CDC42BPB: variants seen among roughly 807,000 people sequenced by gnomAD.
CDC42BPB encodes the protein serine/threonine-protein kinase MRCK beta.
CDC42BPB carries 37 observed loss-of-function variants against 214.9 expected under a neutral mutation model. The ratio of observed to expected loss-of-function variants is 0.17; its 90% CI spans 0.13 to 0.23. The LOEUF is 0.23. Ranked by LOEUF, CDC42BPB falls within the 10% of genes least tolerant of loss-of-function variation. The probability of loss-of-function intolerance (pLI) is 1.00; values close to 1 mark genes in which losing one functional copy is unlikely to be tolerated. For missense variants in CDC42BPB, 1,694 were observed against 2,227.0 expected (o/e 0.76, Z 4.82); for synonymous variants, 931 against 884.0 (o/e 1.05, Z -0.94).
chr14:102,955,347 C>T (rs1892665540), intron 21 of CDC42BPB, among the ~76,000 whole-genome samples: 1 of 152,310 alleles, frequency 6.6e-6, no homozygotes, highest in Admixed American at 6.5e-5. Context: ...CGCTTGAACC[C>T]AGGAGAAGGT....
intron 1 of CDC42BPB, among the ~76,000 whole-genome samples, chr14:103,053,634 C>T (rs912746637): frequency 4.2e-4 from 64 of 150,948 alleles, no homozygotes; most frequent in South Asian, 1.5e-3. Flanking sequence ...TGATGGCGGG[C>T]GCCTGTAGTC....
intron 12 of CDC42BPB, among the ~76,000 whole-genome samples, chr14:102,973,265 C>T (rs1169027071): frequency 6.6e-6 from 1 of 152,230 alleles, no homozygotes; most frequent in Non-Finnish European, 1.5e-5. Flanking sequence ...GTGGATGACC[C>T]ACAGATTATC....
chr14:102,958,258 G>A (rs1379092203), intron 21 of CDC42BPB, among the ~76,000 whole-genome samples: 2 of 152,182 alleles, frequency 1.3e-5, no homozygotes, highest in Non-Finnish European at 2.9e-5. Context: ...CCCAATCGTA[G>A]GAAATAACTG....
At chr14:102,972,317 GCT>G (rs1893512232) in intron 12 of CDC42BPB, 156 bp from the exon 13 acceptor site, 1 of 985,312 alleles carries the variant, frequency 1.0e-6, no homozygotes, top group Admixed American at 6.2e-5. Context: ...AAAGACCTGT[GCT>G]CTGTCTCGTG....
At chr14:103,021,055 T>C (rs1036275755) in intron 1 of CDC42BPB, among the ~76,000 whole-genome samples, 7 of 152,168 alleles carry the variant, frequency 4.6e-5, no homozygotes, top group South Asian at 2.1e-4. Flanking sequence ...CTAGCTGATA[T>C]AGGAGCACAG....
intron 23 of CDC42BPB, among the ~76,000 whole-genome samples, chr14:102,953,080 A>C (rs1004630726): frequency 6.6e-6 from 1 of 152,276 alleles, no homozygotes; most frequent in African/African-American, 2.4e-5. Flanking sequence ...GTCCCTCATC[A>C]GGAGTGGACA....
At chr14:102,964,275 C>T (rs1288624994) in intron 19 of CDC42BPB, among the ~76,000 whole-genome samples, 1 of 152,254 alleles carries the variant, frequency 6.6e-6, no homozygotes, top group African/African-American at 2.4e-5. Context: ...GCACCACACC[C>T]CCCCGCGGCA....
In CDC42BPB at chr14:102,940,150, G is replaced by A; in HGVS notation, c.4507-20C>T. ...CCTTATCTGGATTGGAAACCAGGGA[G>A]GGACAGTAAGCGCGGCCACGCACAG... On this transcript the variant is annotated intron_variant, in intron 31 of 36. Coordinates refer to ENST00000361246, the MANE Select transcript of CDC42BPB (RefSeq NM_006035.4). 6.2e-7 allele frequency: 1 copy of A among 1,614,064 alleles called. No homozygotes were observed. The highest frequency in any genetic ancestry group is 8.5e-7 in the Non-Finnish European group (1 of 1,180,038).
At chr14:103,047,933 G>GT (rs1566926677) in intron 1 of CDC42BPB, among the ~76,000 whole-genome samples, 1 of 150,264 alleles carries the variant, frequency 6.7e-6, no homozygotes, top group Non-Finnish European at 1.5e-5. Context: ...GACAGACCTG[G>GT]TTCAAAAAAT....
At chr14:102,989,859 CAAAAAAAAAA>C (rs534939001) in intron 5 of CDC42BPB, among the ~76,000 whole-genome samples, 5,322 of 98,248 alleles carry the variant, frequency 0.054, 110 homozygotes, top group Middle Eastern at 0.12. Flanking sequence ...AACTCTGTTT[CAAAAAAAAAA>C]AGAAAAAAAA....
At chr14:102,990,453 C>G (rs190087779) in intron 5 of CDC42BPB, among the ~76,000 whole-genome samples, 1 of 152,222 alleles carries the variant, frequency 6.6e-6, no homozygotes, top group Admixed American at 6.5e-5. Context: ...AGTGCACGTA[C>G]TAACGGTGCT....
chr14:103,054,459 T>C (rs111942148), intron 1 of CDC42BPB, among the ~76,000 whole-genome samples: 18 of 152,346 alleles, frequency 1.2e-4, no homozygotes, highest in African/African-American at 4.1e-4. Flanking sequence ...GCAGAAGTAA[T>C]TCCACTTGGA....
At position 102,933,779 on chromosome 14, in the gene CDC42BPB, C is replaced by A; in HGVS notation, c.5069G>T (p.Ser1690Ile). Residue 1690 changes from serine (S) to isoleucine (I), a missense_variant, in exon 37 of 37, where the codon AGC (serine) becomes ATC (isoleucine). Ser to Ile is a moderately radical substitution (Grantham distance 142). Coordinates refer to ENST00000361246, the MANE Select transcript of CDC42BPB (RefSeq NM_006035.4). Reference protein sequence around the residue: ...SNSSNPSGPPSPNSPHRSQLP... With the variant: ...SNSSNPSGPPIPNSPHRSQLP... ...CTGGCTCCTGTGGGGGGAGTTGGGG[C>A]TCGGTGGGCCGCTGGGGTTGGAGCT... 6.7e-7 allele frequency: 1 copy of A among 1,501,336 alleles called. No individual in the cohort carries two copies. The allele number at this position is 1,501,336 out of a possible 1,614,324, so 93.0% of individuals were successfully genotyped here.
intron 21 of CDC42BPB, 41 bp downstream of exon 21, chr14:102,959,590 C>A: frequency 1.5e-6 from 2 of 1,378,422 alleles, no homozygotes; most frequent in Non-Finnish European, 2.0e-6. Flanking sequence ...TCTAACTTAT[C>A]ATAAACTCAT....
intron 1 of CDC42BPB, among the ~76,000 whole-genome samples, chr14:103,036,614 A>T (rs1400924578): frequency 6.6e-6 from 1 of 152,172 alleles, no homozygotes; most frequent in Non-Finnish European, 1.5e-5. Flanking sequence ...AAAAATAATA[A>T]AAAAAATGAA....
intron 1 of CDC42BPB, among the ~76,000 whole-genome samples, chr14:103,026,120 G>C (rs1882457336): frequency 6.6e-6 from 1 of 151,732 alleles, no homozygotes; most frequent in South Asian, 2.1e-4. Flanking sequence ...AAACACGGCT[G>C]GGCGTGGTGG....
intron 9 of CDC42BPB, among the ~76,000 whole-genome samples, chr14:102,977,530 G>A (rs1307014244): frequency 2.0e-5 from 3 of 152,114 alleles, no homozygotes; most frequent in African/African-American, 7.2e-5. Flanking sequence ...TAAAATCGAG[G>A]TGGACCATCT....
In CDC42BPB at chr14:102,939,599, C is replaced by A. The variant is rs201739098; in HGVS notation, c.4827+11G>T. The A allele has an allele frequency of 6.3e-7, 1 of 1,597,452 alleles. No individual in the cohort carries two copies. The highest frequency in any genetic ancestry group is 1.1e-5 in the South Asian group (1 of 90,810). On this transcript the variant is annotated intron_variant, in intron 34 of 36. Coordinates refer to ENST00000361246, the MANE Select transcript of CDC42BPB (RefSeq NM_006035.4). ...GGTGCCCTGCCCGCCCTATCCCGGC[C>A]GTGCACGCACCAGAGGCAGGTCCAT...
intron 6 of CDC42BPB, 106 bp from the exon 7 acceptor site, chr14:102,983,862 A>G: frequency 2.7e-6 from 4 of 1,475,274 alleles, no homozygotes; most frequent in Non-Finnish European, 3.6e-6. Context: ...AAATAATCAT[A>G]GAATAAAACT....
Sources: allele counts gnomAD v4.1 joint callset (sites outside exome capture counted in the v4.1 genomes callset), GRCh38; gene constraint gnomAD v4.1.1; transcripts MANE v1.5; gene names NCBI Gene and HGNC (gene_info 2026-07-23, HGNC 2026-07-21).